The following AFF1 variants were observed in gnomAD, a reference collection of about 807,000 sequenced individuals.
AFF1 encodes ALF transcription elongation factor 1.
A neutral mutation model predicts 121.7 loss-of-function variants in AFF1; 48 were observed. The ratio of observed to expected loss-of-function variants is 0.39; its 90% CI spans 0.31 to 0.50. AFF1 has a LOEUF of 0.50. AFF1 is among the 20% of genes least tolerant of loss of function. The pLI, the probability that AFF1 is intolerant of heterozygous loss-of-function variation, is 0.76. For synonymous variants in AFF1, 613 were observed against 563.0 expected (o/e 1.09, Z -1.26); for missense variants, 1,523 against 1,511.7 (o/e 1.01, Z -0.12).
chr4:87,043,827 T>TTC lies in AFF1; in HGVS notation c.39-2338_39-2337insCT, dbSNP rs1256833252. Among the ~76,000 whole-genome samples the TTC allele has an allele frequency of 1.5e-4, 5 of 32,588 alleles. No homozygotes were observed. In the East Asian group the frequency reaches 2.0e-3, roughly 13 times the overall value. The allele number at this position is 32,588 out of a possible 152,430, so 21.4% of individuals were successfully genotyped here. ...GATAATTTTTTCTTTCTTTCTTTCT[T>TTC]TTTTTTTTTGAGACGGAGTCTCGCG... On this transcript the variant is annotated intron_variant, in intron 2 of 20. Transcript: ENST00000395146.
At chr4:86,984,353 A>C (rs1270687133) in intron 2 of AFF1, among the ~76,000 whole-genome samples, 1 of 123,598 alleles carries the variant, frequency 8.1e-6, no homozygotes, top group Non-Finnish European at 1.6e-5. Flanking sequence ...TTTGTGACTG[A>C]GTCTTGCTCT....
At chr4:86,995,163 AC>A (rs1725019149) in intron 2 of AFF1, among the ~76,000 whole-genome samples, 1 of 151,910 alleles carries the variant, frequency 6.6e-6, no homozygotes, top group Non-Finnish European at 1.5e-5. Context: ...AGCCCTGGAG[AC>A]CGAGGCTGCA....
intron 2 of AFF1, among the ~76,000 whole-genome samples, chr4:87,034,935 A>G (rs1180777350): frequency 6.6e-6 from 1 of 152,254 alleles, no homozygotes; most frequent in Non-Finnish European, 1.5e-5. Context: ...CATCGCATTT[A>G]TTAAGCGCTG....
At chr4:86,966,409 C>T (rs75518791) in intron 2 of AFF1, among the ~76,000 whole-genome samples, 9,667 of 152,144 alleles carry the variant, frequency 0.064, 1,019 homozygotes, top group African/African-American at 0.22. Context: ...AAATCTCTAT[C>T]TCTGACTTGC....
At chr4:86,947,736 C>T (rs1434165025) in intron 1 of AFF1, among the ~76,000 whole-genome samples, 1 of 151,958 alleles carries the variant, frequency 6.6e-6, no homozygotes, top group Admixed American at 6.6e-5. Context: ...GACTATCTGC[C>T]CAGATTGGAT....
chr4:87,114,953 A>C lies in AFF1; in HGVS notation c.2120A>C (p.His707Pro). ...KDNVEDRTPE[H>P]FALVPLTESQ... ...AATGTGGAGGACAGGACCCCTGAGCACTTTGCTCTTGTTCCCCTGACTGAG... is the reference window on the plus strand; with the variant it reads ...AATGTGGAGGACAGGACCCCTGAGCCCTTTGCTCTTGTTCCCCTGACTGAG... The change falls in exon 12 of 21, where the codon CAC (histidine) becomes CCC (proline). Residue 707 changes from histidine to proline, a missense_variant. His to Pro is a moderately conservative substitution (Grantham distance 77, BLOSUM62 -2). Around this residue, in one of 5 missense-constraint regions of AFF1, gnomAD observed 905 missense variants for 842.5 expected, o/e 1.07. Coordinates refer to ENST00000395146, the MANE Select transcript of AFF1 (RefSeq NM_001166693.3). The C allele has an allele frequency of 6.2e-7, 1 of 1,613,074 alleles. No individual in the cohort carries two copies. The highest frequency in any genetic ancestry group is 8.5e-7 in the Non-Finnish European group (1 of 1,179,464).
At chr4:86,967,245 T>G (rs1340043710) in intron 2 of AFF1, among the ~76,000 whole-genome samples, 1 of 152,044 alleles carries the variant, frequency 6.6e-6, no homozygotes, top group African/African-American at 2.4e-5. Flanking sequence ...TTGAAAAAAT[T>G]GGGTGGAGGA....
chr4:87,006,846 C>A, intron 2 of AFF1: 1 of 569,802 alleles, frequency 1.8e-6, no homozygotes, highest in Non-Finnish European at 2.3e-6. Context: ...CTGCCCCCTA[C>A]CCGACCCTGC....
At chr4:86,979,783 C>T (rs932892076) in intron 2 of AFF1, among the ~76,000 whole-genome samples, 1 of 152,186 alleles carries the variant, frequency 6.6e-6, no homozygotes, top group Admixed American at 6.5e-5. Flanking sequence ...AGATACTGTG[C>T]TTACATACAT....
rs551495170 is a variant in AFF1, at chr4:87,011,627, A to T, written c.39-34539A>T. Among the ~76,000 whole-genome samples the T allele has an allele frequency of 2.0e-4, 30 of 152,370 alleles. No homozygotes were observed. In the South Asian group the frequency reaches 6.0e-3, roughly 30 times the overall value. ...TACAGTTCAAAGAAGAGATTTTGGG[A>T]TGGAAATAATTTATGTAGTATTTTG... On this transcript the variant is annotated intron_variant, in intron 2 of 20. Transcript: ENST00000395146.
chr4:86,991,055 G>C (rs975579077), intron 2 of AFF1, among the ~76,000 whole-genome samples: 3 of 152,124 alleles, frequency 2.0e-5, no homozygotes, highest in Admixed American at 1.3e-4. Context: ...AGGAGGCTGA[G>C]GCAGGAAAAT....
intron 16 of AFF1, among the ~76,000 whole-genome samples, chr4:87,128,276 A>G (rs1401898311): frequency 6.6e-6 from 1 of 152,256 alleles, no homozygotes; most frequent in Non-Finnish European, 1.5e-5. Context: ...GTTGGTAAAC[A>G]TGCTTTAAAA....
At chr4:87,027,233 G>C (rs1202918473) in intron 2 of AFF1, among the ~76,000 whole-genome samples, 1 of 152,226 alleles carries the variant, frequency 6.6e-6, no homozygotes, top group Admixed American at 6.5e-5. Context: ...GTCTCTACTA[G>C]ATTGCTTGTA....
chr4:87,002,104 CTTT>C (rs764965353), intron 2 of AFF1, among the ~76,000 whole-genome samples: 2 of 141,966 alleles, frequency 1.4e-5, no homozygotes, highest in Admixed American at 7.1e-5. Context: ...TTTTCTTTTC[CTTT>C]TTTTTTTTTT....
intron 2 of AFF1, among the ~76,000 whole-genome samples, chr4:87,017,819 A>G (rs1426955541): frequency 6.6e-6 from 1 of 152,188 alleles, no homozygotes; most frequent in Non-Finnish European, 1.5e-5. Flanking sequence ...CTCCGACTTC[A>G]GTTAAAGATA....
chr4:87,125,748 C>T (rs374186904), intron 13 of AFF1, among the ~76,000 whole-genome samples: 3 of 152,124 alleles, frequency 2.0e-5, no homozygotes, highest in East Asian at 3.9e-4. Context: ...GTGTGGGAAC[C>T]GACAGAGATG....
At chr4:86,996,162 C>T (rs1560526458) in intron 2 of AFF1, among the ~76,000 whole-genome samples, 2 of 151,880 alleles carry the variant, frequency 1.3e-5, no homozygotes, top group African/African-American at 2.4e-5. Flanking sequence ...CACCTCTGCC[C>T]GGCCGCCCCT....
intron 1 of AFF1, among the ~76,000 whole-genome samples, chr4:86,945,497 ATT>A (rs34305215): frequency 5.8e-5 from 5 of 86,620 alleles, no homozygotes; most frequent in African/African-American, 2.6e-4. Flanking sequence ...GCCTTTCCCA[ATT>A]TTTTTTTTTT....
chr4:87,036,274 A>G (rs566053978), intron 2 of AFF1, among the ~76,000 whole-genome samples: 5 of 152,310 alleles, frequency 3.3e-5, no homozygotes, highest in Admixed American at 3.3e-4. Context: ...AGCACTTGAC[A>G]TCAGTCTCAG....
Sources: allele counts gnomAD v4.1 joint callset (sites outside exome capture counted in the v4.1 genomes callset), GRCh38; gene constraint gnomAD v4.1.1; regional missense constraint gnomAD v4.1.1; transcripts MANE v1.5; gene names NCBI Gene and HGNC (gene_info 2026-07-23, HGNC 2026-07-21).